Variants in EPS8 observed in about 807,000 individuals in gnomAD.
The protein encoded by EPS8 is epidermal growth factor receptor kinase substrate 8.
Under a neutral mutation model 103.8 loss-of-function variants are expected in EPS8, and 42 were observed. That is an observed-to-expected ratio of 0.40 (90% CI 0.32 to 0.52). The LOEUF is 0.52. Ranked by LOEUF, EPS8 falls within the 20% of genes least tolerant of loss-of-function variation. The pLI is 0.40. For missense variants in EPS8, 969 were observed against 1,005.1 expected (o/e 0.96, Z 0.49); for synonymous variants, 344 against 344.6 (o/e 1.00, Z 0.02).
At position 15,623,244 on chromosome 12, in the gene EPS8, A is replaced by G; in HGVS notation, c.2269T>C (p.Ser757Pro). Residue 757 changes from serine to proline, a missense_variant, in exon 20 of 21, where the codon TCT (serine) becomes CCT (proline). Coordinates refer to ENST00000281172, the MANE Select transcript of EPS8 (RefSeq NM_004447.6). ...GTCCTCAGTTCATCCTTATTGAGAG[A>G]GAAAAGTTGTGCACCATTTAATACT... ...LGVLNGAQLF[S>P]LNKDELRTVC... 1 of 1,613,006 alleles carries G rather than the reference A, an allele frequency of 6.2e-7. No homozygotes were observed. Among genetic ancestry groups the G allele is most frequent in the East Asian group, 2.2e-5 (1 of 44,848 alleles).
At chr12:15,773,325 T>C (rs1947173968) in intron 1 of EPS8, among the ~76,000 whole-genome samples, 1 of 152,180 alleles carries the variant, frequency 6.6e-6, no homozygotes, top group Non-Finnish European at 1.5e-5. Flanking sequence ...TGATTATTAA[T>C]GGTTCTTTTA....
At chr12:15,671,841 CTTATT>C (rs1945823571) in intron 3 of EPS8, 1 of 152,066 alleles carries the variant, frequency 6.6e-6, no homozygotes, top group Admixed American at 6.6e-5. Context: ...AAGCAACTTG[CTTATT>C]TGTAAATTCA....
rs1288675104 is a variant in EPS8, at chr12:15,682,957, C to T, written c.-6G>A. ...TTAGAAATATGACCATTCATTGTGT[C>T]TTTCACTTGTGTGTTCTAAAAAAAG... On this transcript the variant is annotated 5_prime_UTR_variant, in exon 2 of 21. Coordinates refer to ENST00000281172, the MANE Select transcript of EPS8 (RefSeq NM_004447.6). 6.4e-7 allele frequency: 1 copy of T among 1,572,550 alleles called. No individual in the cohort carries two copies. Among genetic ancestry groups the T allele is most frequent in the Non-Finnish European group, 8.6e-7 (1 of 1,158,096 alleles).
intron 1 of EPS8, among the ~76,000 whole-genome samples, chr12:15,786,759 T>C (rs1947315594): frequency 6.6e-6 from 1 of 152,154 alleles, no homozygotes; most frequent in African/African-American, 2.4e-5. Flanking sequence ...TTGCATATAT[T>C]CAACTTAAAA....
intron 1 of EPS8, among the ~76,000 whole-genome samples, chr12:15,743,408 A>C (rs1946844458): frequency 1.3e-5 from 2 of 152,300 alleles, no homozygotes; most frequent in African/African-American, 4.8e-5. Context: ...ATTGGAAAAA[A>C]CTACTTTAAA....
At chr12:15,687,553 T>C (rs1463362495) in intron 1 of EPS8, among the ~76,000 whole-genome samples, 1 of 152,178 alleles carries the variant, frequency 6.6e-6, no homozygotes, top group Non-Finnish European at 1.5e-5. Context: ...AAGTCTATGA[T>C]CAAATCAGAA....
In EPS8 at chr12:15,666,458, C is replaced by T. The variant is rs12824115; in HGVS notation, c.581G>A (p.Arg194Lys). 1 of 1,613,654 alleles carries T rather than the reference C, an allele frequency of 6.2e-7. No homozygotes were observed. Among genetic ancestry groups the T allele is most frequent in the Non-Finnish European group, 8.5e-7 (1 of 1,179,688 alleles). ...ISDSKGGKQK[R>K]RPDALRMISN... ...CTTTTACCTCAGGGCGTCGGGCCGCCTCTTCTGTTTCCCTCCTTTACTGTC... is the reference window on the plus strand; with the variant it reads ...CTTTTACCTCAGGGCGTCGGGCCGCTTCTTCTGTTTCCCTCCTTTACTGTC... Residue 194 changes from arginine to lysine, a missense_variant, in exon 7 of 21, where the codon AGG becomes AAG. Coordinates refer to ENST00000281172, the MANE Select transcript of EPS8 (RefSeq NM_004447.6).
rs897225423 is a variant in EPS8 at position 15,716,489 on chromosome 12, G to C, written c.-21-33517C>G. ...TGATAGTGGAACAATTCTAAGCAAAGCTCATGGGTATTTGCTGATTCCTTC... is the reference window on the plus strand; with the variant it reads ...TGATAGTGGAACAATTCTAAGCAAACCTCATGGGTATTTGCTGATTCCTTC... On this transcript the variant is annotated intron_variant, in intron 1 of 20. Transcript: ENST00000281172. The surrounding 1 kb of genome is among the most constrained non-coding windows in gnomAD (Gnocchi z 5.0). 1.3e-5 allele frequency among the ~76,000 whole-genome samples: 2 copies of C among 152,146 alleles called. No homozygotes were observed. Among genetic ancestry groups the C allele is most frequent in the Non-Finnish European group, 2.9e-5 (2 of 68,022 alleles).
chr12:15,721,970 A>G lies in EPS8; in HGVS notation c.-21-38998T>C, dbSNP rs1212145092. On this transcript the variant is annotated intron_variant, in intron 1 of 20. Transcript: ENST00000281172. This position sits in a 1 kb window ranked among gnomAD's most constrained non-coding sequence, Gnocchi z 4.4. ...TTTCTAGTTTTTTTTTAATGCATAC[A>G]TACTTTTTTTTTTCAAAGGGGGCTA... 6.6e-6 allele frequency among the ~76,000 whole-genome samples: 1 copy of G among 151,568 alleles called. No homozygotes were observed. The highest frequency in any genetic ancestry group is 2.4e-5 in the African/African-American group (1 of 41,268).
rs548039367 is a variant in EPS8, at chr12:15,788,404, G to GGGA, written c.-22+754_-22+756dup. ...ATTCCAACAGTACTACGGGCCCTAT[G>GGGA]GGAGGAGGAGGATTTGAGAAACACT... On this transcript the variant is annotated intron_variant, in intron 1 of 20. Transcript: ENST00000281172. Among the ~76,000 whole-genome samples, 43 of 152,268 alleles carry GGGA rather than the reference G, an allele frequency of 2.8e-4. 1 individual carries two copies. In the South Asian group the frequency reaches 8.9e-3, roughly 32 times the overall value.
intron 1 of EPS8, among the ~76,000 whole-genome samples, chr12:15,746,508 C>T (rs961615354): frequency 6.6e-6 from 1 of 152,142 alleles, no homozygotes; most frequent in South Asian, 2.1e-4. Context: ...TAAATAACTT[C>T]CCCCTTCTAA....
intron 10 of EPS8, among the ~76,000 whole-genome samples, chr12:15,659,920 A>G (rs1338201840): frequency 2.6e-5 from 4 of 152,222 alleles, no homozygotes; most frequent in African/African-American, 9.6e-5. Context: ...ATATTTTAGT[A>G]AGTCAACCCT....
chr12:15,638,626 G>A (rs1945177677), intron 17 of EPS8, among the ~76,000 whole-genome samples: 1 of 152,082 alleles, frequency 6.6e-6, no homozygotes, highest in Non-Finnish European at 1.5e-5. Flanking sequence ...TAGCCAAATA[G>A]GCAATCCCTA....
intron 1 of EPS8, among the ~76,000 whole-genome samples, chr12:15,724,591 G>A (rs2970194): frequency 0.35 from 53,331 of 151,948 alleles, 11,753 homozygotes; most frequent in South Asian, 0.7. Context: ...TGTCCCCACC[G>A]GAATCTCATC....
In EPS8 at chr12:15,762,640, T is replaced by A. The variant is rs1327736366; in HGVS notation, c.-22+26521A>T. On this transcript the variant is annotated intron_variant, in intron 1 of 20. Transcript: ENST00000281172. This position sits in a 1 kb window ranked among gnomAD's most constrained non-coding sequence, Gnocchi z 4.8. ...TCATTTGCAACAATACAGGTGGAAC[T>A]GGAAGTCATTACGTTAAGTGAAATA... Among the ~76,000 whole-genome samples the A allele has an allele frequency of 6.6e-6, 1 of 152,144 alleles. No individual in the cohort carries two copies. The highest frequency in any genetic ancestry group is 1.5e-5 in the Non-Finnish European group (1 of 68,018).
At chr12:15,699,264 G>A (rs1253452285) in intron 1 of EPS8, among the ~76,000 whole-genome samples, 1 of 152,196 alleles carries the variant, frequency 6.6e-6, no homozygotes. Flanking sequence ...TTTTATTGTG[G>A]TATTTTGCCA....
rs749615055 is a variant in EPS8 at position 15,702,393 on chromosome 12, T to C, written c.-21-19421A>G. Among the ~76,000 whole-genome samples, 8 of 152,184 alleles carry C rather than the reference T, an allele frequency of 5.3e-5. No homozygotes were observed. Among genetic ancestry groups the C allele is most frequent in the Non-Finnish European group, 1.2e-4 (8 of 68,034 alleles). On this transcript the variant is annotated intron_variant, in intron 1 of 20. Transcript: ENST00000281172. The surrounding 1 kb of genome is among the most constrained non-coding windows in gnomAD (Gnocchi z 5.1). ...CTTTTGAGTTAAGCATTTTCATCCA[T>C]AGGAAGCACTTTTAAACTACAAACA... is the stretch of plus-strand genomic sequence containing the variant.
chr12:15,689,135 C>T (rs1159518551), intron 1 of EPS8, among the ~76,000 whole-genome samples: 2 of 146,738 alleles, frequency 1.4e-5, no homozygotes, highest in Non-Finnish European at 3.0e-5. Flanking sequence ...ACTTATATCC[C>T]TTTTTTTTTT....
At chr12:15,763,279 C>A (rs1947060131) in intron 1 of EPS8, among the ~76,000 whole-genome samples, 1 of 151,896 alleles carries the variant, frequency 6.6e-6, no homozygotes, top group South Asian at 2.1e-4. Context: ...TGGGTTCAAA[C>A]ATTAAACTTT....
Sources: allele counts gnomAD v4.1 joint callset (sites outside exome capture counted in the v4.1 genomes callset), GRCh38; gene constraint gnomAD v4.1.1; non-coding constraint Gnocchi (gnomAD v3.1); transcripts MANE v1.5; gene names NCBI Gene and HGNC (gene_info 2026-07-23, HGNC 2026-07-21).